The following CRACD variants were observed in gnomAD, a reference collection of about 807,000 sequenced individuals.
The protein encoded by CRACD is capping protein inhibiting regulator of actin dynamics.
Under a neutral mutation model 106.8 loss-of-function variants are expected in CRACD, and 56 were observed. The ratio of observed to expected loss-of-function variants is 0.52; its 90% CI spans 0.42 to 0.66. The LOEUF is 0.66. Ranked by LOEUF, CRACD falls within the 30% of genes least tolerant of loss-of-function variation. CRACD has a pLI of 0.00. For missense variants in CRACD, 1,730 were observed against 1,623.2 expected (o/e 1.07, Z -1.13); for synonymous variants, 754 against 670.8 (o/e 1.12, Z -1.92).
At chr4:56,213,739 T>C (rs1738525670) in intron 2 of CRACD, among the ~76,000 whole-genome samples, 1 of 152,224 alleles carries the variant, frequency 6.6e-6, no homozygotes, top group Non-Finnish European at 1.5e-5. Context: ...ATTTGAATAG[T>C]TGGTCACCTT....
intron 3 of CRACD, among the ~76,000 whole-genome samples, chr4:56,278,795 C>T (rs180998566): frequency 6.6e-6 from 1 of 151,974 alleles, no homozygotes; most frequent in African/African-American, 2.4e-5. Context: ...AATAAAATGA[C>T]CCCCTCCCCA....
intron 1 of CRACD, among the ~76,000 whole-genome samples, chr4:56,154,389 C>T (rs1407614472): frequency 6.6e-6 from 1 of 152,050 alleles, no homozygotes; most frequent in Admixed American, 6.6e-5. Flanking sequence ...TACCTTAAGC[C>T]CAGGAGGCAG....
intron 2 of CRACD, among the ~76,000 whole-genome samples, chr4:56,206,556 T>C (rs1738129912): frequency 6.6e-6 from 1 of 152,224 alleles, no homozygotes; most frequent in African/African-American, 2.4e-5. Context: ...GTTCTGCTCA[T>C]CACATCACTT....
intron 3 of CRACD, among the ~76,000 whole-genome samples, chr4:56,290,186 G>A (rs1231936033): frequency 4.6e-5 from 7 of 152,226 alleles, no homozygotes; most frequent in Non-Finnish European, 1.0e-4. Context: ...AGGTCTGCGA[G>A]CTCAGGATTT....
chr4:56,314,112 A>C lies in CRACD; in HGVS notation c.610A>C (p.Lys204Gln). 1 of 1,614,210 alleles carries C rather than the reference A, an allele frequency of 6.2e-7. No individual in the cohort carries two copies. Among genetic ancestry groups the C allele is most frequent in the Non-Finnish European group, 8.5e-7 (1 of 1,180,044 alleles). Residue 204 changes from lysine (K) to glutamine (Q), a missense_variant, in exon 8 of 11, where the codon AAG becomes CAG. Physicochemically the swap from Lys to Gln is moderately conservative, Grantham distance 53. Coordinates refer to ENST00000682029, the MANE Select transcript of CRACD (RefSeq NM_001393381.1). The surrounding 1 kb of genome is among the most constrained non-coding windows in gnomAD (Gnocchi z 4.4). ...CCAGAACGGACACCCAGGCGAGGACAAGCCAACGTGGCACGAAGAGGAACC... is the reference window on the plus strand; with the variant it reads ...CCAGAACGGACACCCAGGCGAGGACCAGCCAACGTGGCACGAAGAGGAACC... The part of the protein sequence containing the change: ...LDQNGHPGED[K>Q]PTWHEEEPNP...
chr4:56,053,503 A>G (rs2109776784), intron 1 of CRACD, among the ~76,000 whole-genome samples: 1 of 152,326 alleles, frequency 6.6e-6, no homozygotes, highest in East Asian at 1.9e-4. Flanking sequence ...TATATAATAA[A>G]GGCAAATTTC....
chr4:56,306,409 A>C (rs1450808872), intron 4 of CRACD, among the ~76,000 whole-genome samples: 3 of 152,060 alleles, frequency 2.0e-5, no homozygotes, highest in African/African-American at 7.2e-5. Context: ...TGGGAGGATC[A>C]CCTGAGCATG....
chr4:56,186,750 A>G (rs1302025700), intron 2 of CRACD, among the ~76,000 whole-genome samples: 1 of 152,112 alleles, frequency 6.6e-6, no homozygotes, highest in Non-Finnish European at 1.5e-5. Context: ...TCTGTCCTCC[A>G]TGATAGGATG....
intron 2 of CRACD, among the ~76,000 whole-genome samples, chr4:56,241,032 C>T (rs1188484376): frequency 1.3e-5 from 2 of 152,278 alleles, no homozygotes; most frequent in South Asian, 4.1e-4. Flanking sequence ...GAGCTCAGAG[C>T]GTTATCAGCT....
At chr4:56,066,600 A>G (rs1732473437) in intron 1 of CRACD, among the ~76,000 whole-genome samples, 1 of 152,210 alleles carries the variant, frequency 6.6e-6, no homozygotes, top group African/African-American at 2.4e-5. Context: ...TTGTAATTGC[A>G]GTCCTCATTC....
chr4:56,113,373 G>C (rs1734182120), intron 1 of CRACD, among the ~76,000 whole-genome samples: 1 of 152,154 alleles, frequency 6.6e-6, no homozygotes, highest in Non-Finnish European at 1.5e-5. Flanking sequence ...TAAATGTGAT[G>C]TCTAATGATA....
chr4:56,088,132 C>CATTTTTTT (rs1733292430), intron 1 of CRACD, among the ~76,000 whole-genome samples: 1 of 131,940 alleles, frequency 7.6e-6, no homozygotes. Context: ...TAGATTGTTT[C>CATTTTTTT]TTTTTTTTTT....
rs115442881 is a variant in CRACD at position 56,156,991 on chromosome 4, G to A, written c.-335-22293G>A. ...GCCAAGAGCAGTGCCTGGAAATAAT[G>A]GGCACTTAATAAACATTTGTCAAAT... On this transcript the variant is annotated intron_variant, in intron 1 of 10. Coordinates refer to ENST00000682029, the MANE Select transcript of CRACD (RefSeq NM_001393381.1). 1.9e-3 allele frequency among the ~76,000 whole-genome samples: 288 copies of A among 152,032 alleles called. 1 individual carries two copies. The highest frequency in any genetic ancestry group is 6.8e-3 in the African/African-American group (280 of 41,434).
chr4:56,178,205 G>A (rs894293500), intron 1 of CRACD, among the ~76,000 whole-genome samples: 1 of 152,092 alleles, frequency 6.6e-6, no homozygotes, highest in African/African-American at 2.4e-5. Context: ...AAGTTAAACC[G>A]AGGCAGAATG....
chr4:56,286,451 G>A (rs544951540), intron 3 of CRACD, among the ~76,000 whole-genome samples: 127 of 142,754 alleles, frequency 8.9e-4, no homozygotes, highest in African/African-American at 3.2e-3. Context: ...GCATGAACCC[G>A]GGAGGCAGAG....
intron 2 of CRACD, among the ~76,000 whole-genome samples, chr4:56,192,086 A>G (rs1737394849): frequency 6.6e-6 from 1 of 152,068 alleles, no homozygotes; most frequent in Admixed American, 6.5e-5. Context: ...TGATAAGTTT[A>G]CTCTTTATTC....
chr4:56,163,361 G>A (rs1440026076), intron 1 of CRACD, among the ~76,000 whole-genome samples: 1 of 152,012 alleles, frequency 6.6e-6, no homozygotes, highest in East Asian at 1.9e-4. Flanking sequence ...TGTGCAGATT[G>A]ATGAGATGGT....
chr4:56,148,280 T>C (rs1187633022), intron 1 of CRACD, among the ~76,000 whole-genome samples: 1 of 144,600 alleles, frequency 6.9e-6, no homozygotes, highest in African/African-American at 2.8e-5. Flanking sequence ...TTGTTTTTTT[T>C]TTAAAAAAAA....
intron 2 of CRACD, among the ~76,000 whole-genome samples, chr4:56,210,707 G>T (rs1299809450): frequency 2.6e-5 from 4 of 152,184 alleles, no homozygotes; most frequent in African/African-American, 9.6e-5. Flanking sequence ...TACAAATGAA[G>T]ATTTCCTTTA....
Sources: allele counts gnomAD v4.1 joint callset (sites outside exome capture counted in the v4.1 genomes callset), GRCh38; gene constraint gnomAD v4.1.1; non-coding constraint Gnocchi (gnomAD v3.1); transcripts MANE v1.5; gene names NCBI Gene and HGNC (gene_info 2026-07-23, HGNC 2026-07-21).